CD63: variants seen among roughly 807,000 people sequenced by gnomAD.
CD63 encodes CD63 antigen.
In CD63, 16 loss-of-function variants were observed where a neutral mutation model predicts 29.2. The observed-to-expected ratio is 0.55, with a 90% CI of 0.37 to 0.83. CD63 has a LOEUF of 0.83. CD63 is among the 40% of genes least tolerant of loss of function. The pLI is 0.00. For missense variants in CD63, 251 were observed against 297.3 expected (o/e 0.84, Z 1.15); for synonymous variants, 118 against 111.7 (o/e 1.06, Z -0.36).
At chr12:55,726,854 G>C in intron 4 of CD63, 36 bp downstream of exon 4, 3 of 1,608,682 alleles carry the variant, frequency 1.9e-6, no homozygotes, top group Non-Finnish European at 1.7e-6. Context: ...TCCCAGACCC[G>C]GCTGAGGCAG....
rs1804039 is a variant in CD63 at position 55,728,279 on chromosome 12, A to G, written c.63T>C (p.Phe21=). The G allele has an allele frequency of 2.5e-6, 4 of 1,609,686 alleles. No homozygotes were observed. In the Admixed American group the frequency reaches 6.7e-5, roughly 27 times the overall value. Residue 21 remains phenylalanine (F), a synonymous_variant, in exon 2 of 8, where the codon TTT becomes TTC. Coordinates refer to ENST00000257857, the MANE Select transcript of CD63 (RefSeq NM_001780.6). This position sits in a 1 kb window ranked among gnomAD's most constrained non-coding sequence, Gnocchi z 4.8. ...KFLLYVLLLA[F]CACAVGLIAV... ...CCCAGGACCCCTCGCCACTCACGCA[A>G]AAGGCCAGCAGGAGGACGTAGAGCA...
rs1877581094 is a variant in CD63, at chr12:55,727,805, C to T, written c.67-466G>A. ...GTGTCCCTCCCTAGACAAACAGTAG[C>T]CTCTCAAGCCAGGAGCCCAGGGCAG... On this transcript the variant is annotated intron_variant, in intron 2 of 7. Coordinates refer to ENST00000257857, the MANE Select transcript of CD63 (RefSeq NM_001780.6). 4.8e-6 allele frequency: 5 copies of T among 1,032,434 alleles called. No individual in the cohort carries two copies. The South Asian group carries it at 1.5e-4, about 31-fold the overall frequency. The allele number at this position is 1,032,434 out of a possible 1,614,324, so 64.0% of individuals were successfully genotyped here.
Position 55,726,793 on chromosome 12 carries a change from C to A in CD63, c.333G>T (p.Val111=). The change falls in exon 5 of 8, where the codon GTG becomes GTT. Residue 111 remains valine, a splice_region_variant and synonymous_variant. Coordinates refer to ENST00000257857, the MANE Select transcript of CD63 (RefSeq NM_001780.6). ...GGAAGTTGTTATTAAACTCTGACAT[C>A]ACCTGAGAGTACGGAGGAGCACTGT... ...AIAGYVFRDK[V]MSEFNNNFRQ... 3.1e-6 allele frequency: 5 copies of A among 1,613,252 alleles called. No individual in the cohort carries two copies. The highest frequency in any genetic ancestry group is 3.4e-6 in the Non-Finnish European group (4 of 1,179,168).
At chr12:55,724,327 A>C (rs765110211), downstream of CD63, 2 of 1,614,190 alleles carry the variant, frequency 1.2e-6, no homozygotes, top group Admixed American at 3.3e-5. Flanking sequence ...TGCAGACCTG[A>C]AAATGCAACA....
intron 3 of CD63, 26 bp from the exon 4 acceptor site, chr12:55,726,990 A>G: frequency 6.2e-7 from 1 of 1,611,996 alleles, no homozygotes; most frequent in South Asian, 1.1e-5. Flanking sequence ...ACAGAAGTCA[A>G]GTTTGGAGTC....
chr12:55,725,260 A>G (rs1306310477), downstream of CD63: 6 of 451,914 alleles, frequency 1.3e-5, no homozygotes, highest in Non-Finnish European at 2.4e-5. Flanking sequence ...GCCTGGCAGC[A>G]TAAGACTAGG....
chr12:55,725,232 C>T, downstream of CD63: 1 of 382,434 alleles, frequency 2.6e-6, no homozygotes, highest in South Asian at 2.6e-5. Context: ...CAGATGGCTT[C>T]ATGAATGTTC....
chr12:55,727,967 C>T (rs1200609452), intron 2 of CD63: 2 of 1,210,884 alleles, frequency 1.7e-6, no homozygotes, highest in African/African-American at 1.6e-5. Flanking sequence ...AGCCCCATGG[C>T]GATAGCATCA....
downstream of CD63, chr12:55,724,707 G>C (rs1171274467): frequency 1.3e-6 from 1 of 747,690 alleles, no homozygotes; most frequent in African/African-American, 1.7e-5. Flanking sequence ...CCAGTGGAAG[G>C]CTGACCCCAT....
At position 55,728,604 on chromosome 12, in the gene CD63, AG is replaced by A; in HGVS notation, c.-11-253del. The A allele has an allele frequency of 7.4e-7, 1 of 1,357,440 alleles. No homozygotes were observed. The allele number at this position is 1,357,440 out of a possible 1,614,324, so 84.1% of individuals were successfully genotyped here. Reference sequence around the variant, plus strand: ...CCAGGACAGATCCAAGGGCGCCGGCAGGGGCTTGAGCCTGACGCCGACCCTC... The same window carrying A: ...CCAGGACAGATCCAAGGGCGCCGGCAGGGCTTGAGCCTGACGCCGACCCTC... On this transcript the variant is annotated intron_variant, in intron 1 of 7. Coordinates refer to ENST00000257857, the MANE Select transcript of CD63 (RefSeq NM_001780.6). The surrounding 1 kb of genome is among the most constrained non-coding windows in gnomAD (Gnocchi z 4.8).
chr12:55,727,040 G>T, intron 3 of CD63, 76 bp from the exon 4 acceptor site: 1 of 1,568,168 alleles, frequency 6.4e-7, no homozygotes, highest in Non-Finnish European at 8.8e-7. Flanking sequence ...GCCGGTCCCT[G>T]GACACTCACA....
chr12:55,727,000 C>G (rs1286526255), intron 3 of CD63, 36 bp from the exon 4 acceptor site: 2 of 1,605,946 alleles, frequency 1.2e-6, no homozygotes, highest in South Asian at 2.2e-5. Context: ...AGTTTGGAGT[C>G]TATGCATTAC....
At chr12:55,727,063 A>G in intron 3 of CD63, 88 bp downstream of exon 3, 2 of 1,538,234 alleles carry the variant, frequency 1.3e-6, no homozygotes, top group South Asian at 2.3e-5. Context: ...GGTCTTCCTC[A>G]CCCACCCACC....
In CD63 at chr12:55,728,673, A is replaced by G. The variant is rs1877694144; in HGVS notation, c.-12+280T>C. ...GCGTCAAACACCCTTTCCCCACCCA[A>G]CACCCAGCCTGGAGAAACGGTCTTC... On this transcript the variant is annotated intron_variant, in intron 1 of 7. Transcript: ENST00000257857. This position sits in a 1 kb window ranked among gnomAD's most constrained non-coding sequence, Gnocchi z 4.8. 1 of 1,168,620 alleles carries G rather than the reference A, an allele frequency of 8.6e-7. No homozygotes were observed. Among genetic ancestry groups the G allele is most frequent in the African/African-American group, 1.7e-5 (1 of 60,232 alleles). The allele number at this position is 1,168,620 out of a possible 1,614,324, so 72.4% of individuals were successfully genotyped here.
At chr12:55,724,204 C>G (rs1877081918), downstream of CD63, 1 of 1,433,210 alleles carries the variant, frequency 7.0e-7, no homozygotes, top group Non-Finnish European at 9.7e-7. Flanking sequence ...TGGAACCTGC[C>G]CACTCCCCAC....
In CD63 at chr12:55,725,461, G is replaced by T; in HGVS notation, c.*100C>A. 2.1e-6 allele frequency: 2 copies of T among 973,202 alleles called. No individual in the cohort carries two copies. Among genetic ancestry groups the T allele is most frequent in the Non-Finnish European group, 3.3e-6 (2 of 602,632 alleles). The allele number at this position is 973,202 out of a possible 1,614,324, so 60.3% of individuals were successfully genotyped here. A position where few individuals can be genotyped will look rare whatever the true frequency, so the allele number is the denominator to read the frequency against. ...CAAGCATCACTCTAAGACAAACTCA[G>T]ACCATCTCTTTTCGGTCTGAAAAAA... On this transcript the variant is annotated 3_prime_UTR_variant, in exon 8 of 8. Coordinates refer to ENST00000257857, the MANE Select transcript of CD63 (RefSeq NM_001780.6).
At chr12:55,727,493 G>T (rs1877543819) in intron 2 of CD63, 154 bp from the exon 3 acceptor site, 4 of 1,178,232 alleles carry the variant, frequency 3.4e-6, no homozygotes, top group Non-Finnish European at 3.4e-6. Context: ...GGGGTAGGGG[G>T]ATGACCCATC....
At position 55,726,940 on chromosome 12, in the gene CD63, T is replaced by C. The variant is rs990298314; in HGVS notation, c.280A>G (p.Met94Val). ...ITFAIFLSLIMLVEVAAAIAG... is the reference protein window; with the variant it reads ...ITFAIFLSLIVLVEVAAAIAG... ...ATGGCTGCGGCCACCTCCACCAACATGATAAGAGACAGAAAGATGGCAAAC... is the reference window on the plus strand; with the variant it reads ...ATGGCTGCGGCCACCTCCACCAACACGATAAGAGACAGAAAGATGGCAAAC... The change falls in exon 4 of 8, where the codon ATG (methionine) becomes GTG (valine). Residue 94 changes from methionine (M) to valine (V), a missense_variant. Physicochemically the swap from Met to Val is conservative, Grantham distance 21. Transcript: ENST00000257857. 6.2e-7 allele frequency: 1 copy of C among 1,613,858 alleles called. No homozygotes were observed. The highest frequency in any genetic ancestry group is 1.1e-5 in the South Asian group (1 of 91,066).
downstream of CD63, chr12:55,724,065 C>T (rs1877072551): frequency 1.2e-6 from 2 of 1,604,006 alleles, no homozygotes; most frequent in Non-Finnish European, 8.5e-7. Flanking sequence ...TAGCCAGGCC[C>T]ACACAGGGGC....
Sources: allele counts gnomAD v4.1 joint callset, GRCh38; gene constraint gnomAD v4.1.1; non-coding constraint Gnocchi (gnomAD v3.1); transcripts MANE v1.5; gene names NCBI Gene and HGNC (gene_info 2026-07-23, HGNC 2026-07-21).